RNF182: variants seen among roughly 807,000 people sequenced by gnomAD.
RNF182 encodes ring finger protein 182.
In RNF182, 15 loss-of-function variants were observed where a neutral mutation model predicts 14.4. The observed-to-expected ratio is 1.04, with a 90% CI of 0.70 to 1.60. The LOEUF (loss-of-function observed/expected upper bound fraction) is 1.60. Ranked by LOEUF, RNF182 falls within the 40% of genes most tolerant of loss-of-function variation. The pLI is 0.00. For synonymous variants in RNF182, 128 were observed against 122.9 expected (o/e 1.04, Z -0.27); for missense variants, 268 against 294.8 (o/e 0.91, Z 0.67).
chr6:13,969,560 A>G (rs1355584930), intron 1 of RNF182, among the ~76,000 whole-genome samples: 1 of 152,232 alleles, frequency 6.6e-6, no homozygotes, highest in East Asian at 1.9e-4. Flanking sequence ...GATCCTAGGT[A>G]GACAATAACA....
At chr6:13,954,143 TC>T (rs1759671664) in intron 1 of RNF182, among the ~76,000 whole-genome samples, 1 of 152,188 alleles carries the variant, frequency 6.6e-6, no homozygotes, top group African/African-American at 2.4e-5. Flanking sequence ...TCTGCCCCCC[TC>T]CCCATTGGAT....
intron 1 of RNF182, among the ~76,000 whole-genome samples, chr6:13,932,005 G>A (rs187489804): frequency 1.7e-3 from 256 of 152,234 alleles, no homozygotes; most frequent in African/African-American, 5.7e-3. Flanking sequence ...ACCAATAAGT[G>A]GTCTTTGACC....
chr6:13,978,639 A>G lies in RNF182; in HGVS notation c.*776A>G, dbSNP rs1264187783. On this transcript the variant is annotated 3_prime_UTR_variant, in exon 3 of 3. Coordinates refer to ENST00000488300, the MANE Select transcript of RNF182 (RefSeq NM_152737.4). ...TCATACAGCGGTTATTATTGATGAA[A>G]ACCTTCATTTGAGTCTTTCCTTATA... is the stretch of plus-strand genomic sequence containing the variant. The G allele has an allele frequency of 1.2e-5, 2 of 166,960 alleles. No homozygotes were observed. Among genetic ancestry groups the G allele is most frequent in the African/African-American group, 2.4e-5 (1 of 41,430 alleles). 10.3% of individuals were successfully genotyped at this position (166,960 alleles called of 1,614,324 possible).
chr6:13,926,005 G>C (rs1758815397), intron 1 of RNF182, among the ~76,000 whole-genome samples: 1 of 152,034 alleles, frequency 6.6e-6, no homozygotes, highest in Admixed American at 6.5e-5. Flanking sequence ...CTTACATGTA[G>C]TAATATGAAA....
chr6:13,930,141 A>C (rs1758931322), intron 1 of RNF182, among the ~76,000 whole-genome samples: 1 of 152,046 alleles, frequency 6.6e-6, no homozygotes, highest in South Asian at 2.1e-4. Context: ...TATTCCAAAA[A>C]ATAATTCAAA....
intron 1 of RNF182, among the ~76,000 whole-genome samples, chr6:13,929,093 G>A (rs1585027805): frequency 1.3e-5 from 2 of 152,214 alleles, no homozygotes. Flanking sequence ...TAACTAAAAC[G>A]TGACTCTCTT....
At chr6:13,933,931 T>C (rs1463294958) in intron 1 of RNF182, among the ~76,000 whole-genome samples, 1 of 152,008 alleles carries the variant, frequency 6.6e-6, no homozygotes, top group East Asian at 1.9e-4. Flanking sequence ...GGCAGGAGAA[T>C]CGCTTGAACC....
chr6:13,925,410 C>T (rs1355151244), intron 1 of RNF182: 1 of 152,082 alleles, frequency 6.6e-6, no homozygotes, highest in Non-Finnish European at 1.5e-5. Flanking sequence ...TCATGGCATT[C>T]TCTTTGAGGA....
chr6:13,965,396 G>A (rs1309043787), intron 1 of RNF182, among the ~76,000 whole-genome samples: 1 of 152,100 alleles, frequency 6.6e-6, no homozygotes, highest in East Asian at 1.9e-4. Context: ...ATGGAGGAAA[G>A]GCAATAATTA....
At chr6:13,972,127 C>T (rs886790910) in intron 1 of RNF182, among the ~76,000 whole-genome samples, 4 of 151,302 alleles carry the variant, frequency 2.6e-5, no homozygotes, top group Non-Finnish European at 4.4e-5. Context: ...GGTGAAACCC[C>T]GTCTACTAAA....
chr6:13,973,249 A>G (rs1483375762), intron 1 of RNF182, among the ~76,000 whole-genome samples: 4 of 152,232 alleles, frequency 2.6e-5, no homozygotes, highest in African/African-American at 7.2e-5. Flanking sequence ...GAAGTAACTA[A>G]CTTGCTTTTG....
intron 1 of RNF182, among the ~76,000 whole-genome samples, chr6:13,946,783 T>C (rs529850841): frequency 6.6e-6 from 1 of 152,294 alleles, no homozygotes; most frequent in East Asian, 1.9e-4. Flanking sequence ...GGGATAGAAA[T>C]TTATCTTCTG....
At chr6:13,942,190 T>A (rs1397868353) in intron 1 of RNF182, among the ~76,000 whole-genome samples, 1 of 152,166 alleles carries the variant, frequency 6.6e-6, no homozygotes, top group African/African-American at 2.4e-5. Context: ...CCTTTAGAGG[T>A]GATGTGCCTT....
intron 1 of RNF182, among the ~76,000 whole-genome samples, chr6:13,938,127 G>A (rs1020865046): frequency 4.9e-5 from 7 of 143,190 alleles, no homozygotes; most frequent in African/African-American, 1.8e-4. Flanking sequence ...CGGTCTCTGC[G>A]TAACTGGGAC....
intron 1 of RNF182, among the ~76,000 whole-genome samples, chr6:13,944,204 A>G (rs981551609): frequency 5.3e-5 from 8 of 152,186 alleles, no homozygotes; most frequent in Non-Finnish European, 1.2e-4. Flanking sequence ...TACAGTTGCA[A>G]GCTTTCAGGA....
chr6:13,957,681 A>G (rs2113624306), intron 1 of RNF182, among the ~76,000 whole-genome samples: 1 of 152,330 alleles, frequency 6.6e-6, no homozygotes, highest in South Asian at 2.1e-4. Flanking sequence ...TTATTTTAGG[A>G]TAATATTATA....
chr6:13,959,992 A>G (rs1759826726), intron 1 of RNF182, among the ~76,000 whole-genome samples: 1 of 151,658 alleles, frequency 6.6e-6, no homozygotes, highest in Non-Finnish European at 1.5e-5. Context: ...TAACATCTAG[A>G]GATTTGATAG....
chr6:13,974,715 G>A (rs145345363), intron 2 of RNF182, among the ~76,000 whole-genome samples: 386 of 152,232 alleles, frequency 2.5e-3, no homozygotes, highest in Middle Eastern at 0.01. Flanking sequence ...GTGTTCTTAC[G>A]TATTCATAAA....
At chr6:13,967,143 T>TA (rs1277628243) in intron 1 of RNF182, among the ~76,000 whole-genome samples, 1 of 152,098 alleles carries the variant, frequency 6.6e-6, no homozygotes, top group East Asian at 1.9e-4. Flanking sequence ...TGGCAGCTGT[T>TA]TATAAGAAAC....
Sources: gnomAD v4.1 joint callset for allele counts (sites outside exome capture counted in the v4.1 genomes callset) on GRCh38, gnomAD v4.1.1 for gene constraint, MANE v1.5 for transcripts, NCBI Gene and HGNC (gene_info 2026-07-23, HGNC 2026-07-21) for gene names.